The following OR2M4 variants were observed in gnomAD, a reference collection of about 807,000 sequenced individuals.
The protein encoded by OR2M4 is olfactory receptor family 2 subfamily M member 4.
Under a neutral mutation model 13.7 loss-of-function variants are expected in OR2M4, and 8 were observed. The observed-to-expected ratio is 0.58, with a 90% CI of 0.34 to 1.05. The LOEUF (loss-of-function observed/expected upper bound fraction) is 1.05. Among genes scored for constraint, OR2M4 ranks in the 50% least tolerant of loss-of-function variants. OR2M4 has a pLI of 0.02. For missense variants in OR2M4, 374 were observed against 381.6 expected (o/e 0.98, Z 0.17); for synonymous variants, 152 against 141.3 (o/e 1.08, Z -0.53).
At position 248,240,403 on chromosome 1, in the gene OR2M4, C is replaced by A. The variant is rs1220952750; in HGVS notation, c.*539C>A. On this transcript the variant is annotated 3_prime_UTR_variant, in exon 2 of 2. Coordinates refer to ENST00000641868, the MANE Select transcript of OR2M4 (RefSeq NM_017504.2). ...CTGCATAAAATATTTCCTAGAAACT[C>A]GTATAAACATACACACACTTAAGTA... The A allele has an allele frequency of 6.6e-6, 1 of 152,426 alleles. No homozygotes were observed. The highest frequency in any genetic ancestry group is 1.5e-5 in the Non-Finnish European group (1 of 68,298). 9.4% of individuals were successfully genotyped at this position (152,426 alleles called of 1,614,324 possible). A position where few individuals can be genotyped will look rare whatever the true frequency, so the allele number is the denominator to read the frequency against.
intron 1 of OR2M4, among the ~76,000 whole-genome samples, chr1:248,238,663 C>G (rs1342251963): frequency 6.6e-6 from 1 of 152,160 alleles, no homozygotes; most frequent in Non-Finnish European, 1.5e-5. Context: ...CTCTTATACA[C>G]TTCAGCATTC....
rs762833483 is a variant in OR2M4 at position 248,239,766 on chromosome 1, A to G, written c.838A>G (p.Ile280Val). 2.0e-5 allele frequency: 33 copies of G among 1,614,064 alleles called. 1 individual carries two copies. Among genetic ancestry groups the G allele is most frequent in the South Asian group, 6.6e-5 (6 of 91,086 alleles). The change falls in exon 2 of 2, where the codon ATT (isoleucine) becomes GTT (valine). Residue 280 changes from isoleucine to valine, a missense_variant. Physicochemically the swap from Ile to Val is conservative, Grantham distance 29. Transcript: ENST00000641868. ...QDKMVSAFYT[I>V]LTPMLNPLIY... ...CAAGATGGTGTCGGCCTTCTACACTATTCTCACCCCTATGCTGAACCCTCT... is the reference window on the plus strand; with the variant it reads ...CAAGATGGTGTCGGCCTTCTACACTGTTCTCACCCCTATGCTGAACCCTCT...
At chr1:248,237,297 C>T (rs2103022485) in intron 1 of OR2M4, among the ~76,000 whole-genome samples, 1 of 152,194 alleles carries the variant, frequency 6.6e-6, no homozygotes, top group East Asian at 1.9e-4. Context: ...TGACAACAAC[C>T]ACATGATTAT....
chr1:248,236,021 T>G lies in OR2M4; in HGVS notation c.-19-2889T>G, dbSNP rs377126790. ...CTTGCCTTAATGCCCCGACCATAAC[T>G]TCCAATACTATGTTGAATAGGAGTG... On this transcript the variant is annotated intron_variant, in intron 1 of 1. Coordinates refer to ENST00000641868, the MANE Select transcript of OR2M4 (RefSeq NM_017504.2). Among the ~76,000 whole-genome samples the G allele has an allele frequency of 2.0e-5, 3 of 152,246 alleles. No homozygotes were observed. In the East Asian group the frequency reaches 5.8e-4, roughly 29 times the overall value.
chr1:248,233,984 T>G (rs923217022), intron 1 of OR2M4, among the ~76,000 whole-genome samples: 3 of 152,160 alleles, frequency 2.0e-5, no homozygotes, highest in Admixed American at 1.3e-4. Context: ...CTGGCTCCCT[T>G]GGATAAAGAA....
rs745730324 is a variant in OR2M4, at chr1:248,238,998, C to T, written c.70C>T (p.His24Tyr). Reference protein sequence around the residue: ...LLGIFNHSPTHTFLFSLVLGI... With the variant: ...LLGIFNHSPTYTFLFSLVLGI... The stretch of plus-strand genomic sequence containing the variant: ...GGGAATCTTCAATCACAGTCCCACC[C>T]ACACCTTCCTTTTTTCTCTGGTCCT... The change falls in exon 2 of 2, where the codon CAC becomes TAC. Residue 24 changes from histidine (H) to tyrosine (Y), a missense_variant. By Grantham distance (83) the His-to-Tyr change is moderately conservative (BLOSUM62 2). Transcript: ENST00000641868. 1.7e-5 allele frequency: 28 copies of T among 1,613,880 alleles called. No individual in the cohort carries two copies. The highest frequency in any genetic ancestry group is 2.3e-5 in the Non-Finnish European group (27 of 1,179,870).
Position 248,241,153 on chromosome 1 carries a change from G to C in OR2M4, c.*1289G>C, listed in dbSNP as rs1201458512. ...CACGTGAACTACAGAGACAGCAGCT[G>C]GGGCAACTGAGGTTGTGCTGGCATC... On this transcript the variant is annotated 3_prime_UTR_variant, in exon 2 of 2. Coordinates refer to ENST00000641868, the MANE Select transcript of OR2M4 (RefSeq NM_017504.2). The C allele has an allele frequency of 6.6e-6, 1 of 152,194 alleles. No homozygotes were observed. Among genetic ancestry groups the C allele is most frequent in the Non-Finnish European group, 1.5e-5 (1 of 68,078 alleles). The allele number at this position is 152,194 out of a possible 1,614,324, so 9.4% of individuals were successfully genotyped here.
intron 1 of OR2M4, among the ~76,000 whole-genome samples, chr1:248,233,051 G>T (rs536610973): frequency 7.2e-5 from 11 of 152,214 alleles, no homozygotes; most frequent in Admixed American, 2.0e-4. Flanking sequence ...GTTTAATTTA[G>T]TTAAGATAAA....
At chr1:248,234,721 T>A (rs1463606239) in intron 1 of OR2M4, among the ~76,000 whole-genome samples, 3 of 152,100 alleles carry the variant, frequency 2.0e-5, no homozygotes, top group South Asian at 2.1e-4. Context: ...TGAGATGGTA[T>A]CTCATTGTGG....
intron 1 of OR2M4, among the ~76,000 whole-genome samples, chr1:248,233,523 G>A (rs7554959): frequency 0.034 from 5,175 of 152,100 alleles, 254 homozygotes; most frequent in African/African-American, 0.11. Flanking sequence ...GTATTTCTTA[G>A]TGGAATAAAA....
In OR2M4 at chr1:248,239,678, C is replaced by T. The variant is rs367921374; in HGVS notation, c.750C>T (p.Leu250=). 2.2e-5 allele frequency: 35 copies of T among 1,613,972 alleles called. 1 individual carries two copies. The Middle Eastern group carries it at 6.6e-4, about 30-fold the overall frequency. ...TCSSHLSVVG[L]YYGAAMFMYM... The stretch of plus-strand genomic sequence containing the variant: ...CCTCCCACCTGTCTGTGGTCGGACT[C>T]TACTACGGTGCTGCTATGTTCATGT... The change falls in exon 2 of 2, where the codon CTC becomes CTT. Residue 250 remains leucine (L), a synonymous_variant. Transcript: ENST00000641868.
intron 1 of OR2M4, among the ~76,000 whole-genome samples, chr1:248,233,719 C>CA (rs1210292711): frequency 6.6e-6 from 1 of 151,574 alleles, no homozygotes; most frequent in South Asian, 2.1e-4. Flanking sequence ...TCTGGAAATT[C>CA]AAAAAAAATT....
chr1:248,232,669 C>A (rs1414793725), intron 1 of OR2M4, among the ~76,000 whole-genome samples: 10 of 152,020 alleles, frequency 6.6e-5, no homozygotes, highest in African/African-American at 2.4e-4. Context: ...ATAGTTCTAG[C>A]AATGTGAGGA....
intron 1 of OR2M4, among the ~76,000 whole-genome samples, chr1:248,237,756 A>G (rs914858903): frequency 6.6e-6 from 1 of 152,242 alleles, no homozygotes; most frequent in African/African-American, 2.4e-5. Context: ...CTCATAGCCA[A>G]TATCACGCTG....
intron 1 of OR2M4, among the ~76,000 whole-genome samples, chr1:248,236,758 A>G (rs912445231): frequency 2.8e-4 from 43 of 152,204 alleles, no homozygotes; most frequent in African/African-American, 8.9e-4. Context: ...ACAGAAATAC[A>G]AACTACCATC....
chr1:248,242,018 T>A lies in OR2M4; in HGVS notation c.*2154T>A, dbSNP rs1055410722. 3.3e-5 allele frequency: 5 copies of A among 152,198 alleles called. No individual in the cohort carries two copies. The highest frequency in any genetic ancestry group is 7.3e-5 in the Non-Finnish European group (5 of 68,040). The allele number at this position is 152,198 out of a possible 1,614,324, so 9.4% of individuals were successfully genotyped here. On this transcript the variant is annotated 3_prime_UTR_variant, in exon 2 of 2. Coordinates refer to ENST00000641868, the MANE Select transcript of OR2M4 (RefSeq NM_017504.2). ...GATTTTAAAAGAAGATAATACTATG[T>A]CCCTATGTGTTTCATTCCACTTTAT...
rs1400036218 is a variant in OR2M4, at chr1:248,243,627, C to T, written c.*3763C>T. 1 of 152,168 alleles carries T rather than the reference C, an allele frequency of 6.6e-6. No homozygotes were observed. The allele number at this position is 152,168 out of a possible 1,614,324, so 9.4% of individuals were successfully genotyped here. A position where few individuals can be genotyped will look rare whatever the true frequency, so the allele number is the denominator to read the frequency against. On this transcript the variant is annotated 3_prime_UTR_variant, in exon 2 of 2. Transcript: ENST00000641868. ...TCCTAGAAGAAAACTTAGGAAATGCCGTTCTTGATACCAGGCTTGGCAAAT... is the reference window on the plus strand; with the variant it reads ...TCCTAGAAGAAAACTTAGGAAATGCTGTTCTTGATACCAGGCTTGGCAAAT...
rs1007497401 is a variant in OR2M4, at chr1:248,240,942, C to G, written c.*1078C>G. 1.3e-5 allele frequency: 2 copies of G among 152,274 alleles called. No homozygotes were observed. The highest frequency in any genetic ancestry group is 3.4e-3 in the Middle Eastern group (1 of 294). 9.4% of individuals were successfully genotyped at this position (152,274 alleles called of 1,614,324 possible). On this transcript the variant is annotated 3_prime_UTR_variant, in exon 2 of 2. Transcript: ENST00000641868. Reference sequence around the variant, plus strand: ...CCACAGACAGAGCATTTAAACCAGCCCTTGTCAGAGGGGAATTACTGATCC... The same window carrying G: ...CCACAGACAGAGCATTTAAACCAGCGCTTGTCAGAGGGGAATTACTGATCC...
chr1:248,238,194 C>CA (rs999344514), intron 1 of OR2M4, among the ~76,000 whole-genome samples: 4 of 151,968 alleles, frequency 2.6e-5, no homozygotes, highest in African/African-American at 9.7e-5. Context: ...AATAAACAAA[C>CA]AAAAAATGCA....
Sources: allele counts gnomAD v4.1 joint callset (sites outside exome capture counted in the v4.1 genomes callset), GRCh38; gene constraint gnomAD v4.1.1; transcripts MANE v1.5; gene names NCBI Gene and HGNC (gene_info 2026-07-23, HGNC 2026-07-21).